Variants in FAM222B observed in about 807,000 individuals in gnomAD.
The protein encoded by FAM222B is family with sequence similarity 222 member B, also known as protein FAM222B.
FAM222B carries 12 observed loss-of-function variants against 38.0 expected under a neutral mutation model. The observed-to-expected ratio is 0.32, with a 90% CI of 0.20 to 0.51. FAM222B has a LOEUF of 0.51. Ranked by LOEUF, FAM222B falls within the 20% of genes least tolerant of loss-of-function variation. The pLI is 0.97. For missense variants in FAM222B, 716 were observed against 754.2 expected (o/e 0.95, Z 0.59); for synonymous variants, 329 against 317.2 (o/e 1.04, Z -0.40).
intron 1 of FAM222B, among the ~76,000 whole-genome samples, chr17:28,848,343 G>A (rs1159914510): frequency 6.6e-6 from 1 of 152,084 alleles, no homozygotes; most frequent in Non-Finnish European, 1.5e-5. Flanking sequence ...CCTTGCCTGG[G>A]GTGAGCCTCA....
chr17:28,809,589 CAT>C (rs1292773894), intron 1 of FAM222B, among the ~76,000 whole-genome samples: 2 of 152,106 alleles, frequency 1.3e-5, no homozygotes, highest in East Asian at 1.9e-4. Context: ...TAGTTCTATA[CAT>C]AGTCTTCTGT....
upstream of FAM222B, among the ~76,000 whole-genome samples, chr17:28,847,074 T>C (rs1025279301): frequency 5.4e-5 from 8 of 149,266 alleles, no homozygotes; most frequent in Non-Finnish European, 1.2e-4. Flanking sequence ...AAATACCAAA[T>C]TAGCCGGGCA....
At chr17:28,784,526 A>C (rs2151850748) in intron 1 of FAM222B, among the ~76,000 whole-genome samples, 1 of 142,732 alleles carries the variant, frequency 7.0e-6, no homozygotes, top group African/African-American at 2.7e-5. Flanking sequence ...AAAAAAAAAA[A>C]AAAAAGGCAA....
At chr17:28,783,350 C>T (rs1029853948) in intron 1 of FAM222B, among the ~76,000 whole-genome samples, 2 of 151,972 alleles carry the variant, frequency 1.3e-5, no homozygotes, top group Non-Finnish European at 2.9e-5. Flanking sequence ...CTCAGATCAC[C>T]TCAAGAAACC....
At chr17:28,789,720 C>T (rs941559419) in intron 1 of FAM222B, among the ~76,000 whole-genome samples, 2 of 152,164 alleles carry the variant, frequency 1.3e-5, no homozygotes. Flanking sequence ...TTGAAAGGAA[C>T]CAAGGCTCCT....
chr17:28,758,124 A>T lies in FAM222B; in HGVS notation c.*146T>A. ...GGACGAGAGGACCCCTTCTGTCCCC[A>T]CTTAGATCCCACCAAATTCCCTTTC... On this transcript the variant is annotated 3_prime_UTR_variant, in exon 3 of 3. Coordinates refer to ENST00000581407, the MANE Select transcript of FAM222B (RefSeq NM_001077498.3). 1 of 755,876 alleles carries T rather than the reference A, an allele frequency of 1.3e-6. No individual in the cohort carries two copies. The highest frequency in any genetic ancestry group is 2.1e-6 in the Non-Finnish European group (1 of 482,876). 46.8% of individuals were successfully genotyped at this position (755,876 alleles called of 1,614,324 possible). A position where few individuals can be genotyped will look rare whatever the true frequency, so the allele number is the denominator to read the frequency against.
upstream of FAM222B, among the ~76,000 whole-genome samples, chr17:28,843,442 C>CTTTTTTT (rs1161514672): frequency 1.1e-5 from 1 of 86,978 alleles, no homozygotes. Flanking sequence ...CAGCCTGGGT[C>CTTTTTTT]TTTTTTTTTT....
chr17:28,815,929 T>C (rs539428339), intron 1 of FAM222B, among the ~76,000 whole-genome samples: 2 of 148,604 alleles, frequency 1.3e-5, no homozygotes, highest in South Asian at 2.1e-4. Context: ...ATCGTGCCAC[T>C]GCACTCCAGC....
intron 1 of FAM222B, among the ~76,000 whole-genome samples, chr17:28,831,348 G>A (rs530580791): frequency 6.6e-6 from 1 of 151,534 alleles, no homozygotes; most frequent in South Asian, 2.1e-4. Flanking sequence ...CTATCCTTCT[G>A]CCAATACCAC....
chr17:28,782,510 TC>T (rs761207666), intron 1 of FAM222B, among the ~76,000 whole-genome samples: 1 of 152,200 alleles, frequency 6.6e-6, no homozygotes, highest in Non-Finnish European at 1.5e-5. Context: ...TTTGTGGTAT[TC>T]ATCTAATAAC....
intron 1 of FAM222B, among the ~76,000 whole-genome samples, chr17:28,805,033 G>A (rs1161720771): frequency 2.7e-5 from 4 of 150,334 alleles, no homozygotes; most frequent in African/African-American, 7.3e-5. Context: ...GCGACAGAGC[G>A]AGACTCCATC....
intron 1 of FAM222B, among the ~76,000 whole-genome samples, chr17:28,782,198 T>G (rs1366428458): frequency 6.6e-6 from 1 of 152,176 alleles, no homozygotes; most frequent in African/African-American, 2.4e-5. Flanking sequence ...GGCACATGCC[T>G]GTGGTCCCAG....
At chr17:28,774,415 C>T (rs778538419) in intron 1 of FAM222B, among the ~76,000 whole-genome samples, 12 of 152,134 alleles carry the variant, frequency 7.9e-5, no homozygotes, top group East Asian at 5.8e-4. Flanking sequence ...GTTTTCCTAA[C>T]GCCAGCTGGT....
At chr17:28,852,808 C>CA (rs1567916308) in intron 1 of FAM222B, among the ~76,000 whole-genome samples, 3 of 152,038 alleles carry the variant, frequency 2.0e-5, no homozygotes, top group South Asian at 4.2e-4. Context: ...CCTGTAAACT[C>CA]GCACTTGGGG....
chr17:28,854,811 G>A (rs1266829840), intron 1 of FAM222B: 3 of 477,240 alleles, frequency 6.3e-6, no homozygotes, highest in Non-Finnish European at 1.1e-5. Context: ...GTTGTGTATG[G>A]GAGTCCAAAA....
chr17:28,825,448 A>C (rs896524608), intron 1 of FAM222B, among the ~76,000 whole-genome samples: 75 of 151,566 alleles, frequency 4.9e-4, no homozygotes, highest in African/African-American at 1.2e-3. Flanking sequence ...AAAAAAAAAA[A>C]AAAAAAACAC....
At position 28,759,689 on chromosome 17, in the gene FAM222B, G is replaced by C. The variant is rs1268996656; in HGVS notation, c.270C>G (p.Pro90=). ...GLDTSAQRYS[P]YPTQAATKAG... The stretch of plus-strand genomic sequence containing the variant: ...CCTTGGTGGCAGCCTGTGTCGGGTA[G>C]GGGCTGTAGCGCTGGGCTGATGTGT... Residue 90 remains proline, a synonymous_variant, in exon 3 of 3, where the codon CCC becomes CCG. Transcript: ENST00000581407. The surrounding 1 kb of genome is among the most constrained non-coding windows in gnomAD (Gnocchi z 4.8). 6.8e-6 allele frequency: 11 copies of C among 1,613,640 alleles called. No individual in the cohort carries two copies. The highest frequency in any genetic ancestry group is 9.3e-6 in the Non-Finnish European group (11 of 1,179,816).
At chr17:28,786,468 C>T (rs539509389) in intron 1 of FAM222B, among the ~76,000 whole-genome samples, 1 of 152,180 alleles carries the variant, frequency 6.6e-6, no homozygotes, top group African/African-American at 2.4e-5. Flanking sequence ...AGTTACCTCT[C>T]ATTCTCAAGC....
chr17:28,771,067 C>T (rs1214093789), intron 1 of FAM222B, among the ~76,000 whole-genome samples: 1 of 149,846 alleles, frequency 6.7e-6, no homozygotes, highest in Non-Finnish European at 1.5e-5. Flanking sequence ...TAGTAAGAGT[C>T]CCATCTTGGC....
Sources: gnomAD v4.1 joint callset for allele counts (sites outside exome capture counted in the v4.1 genomes callset) on GRCh38, gnomAD v4.1.1 for gene constraint, Gnocchi (gnomAD v3.1) non-coding constraint, MANE v1.5 for transcripts, NCBI Gene and HGNC (gene_info 2026-07-23, HGNC 2026-07-21) for gene names.